UVSSA: variants seen among roughly 807,000 people sequenced by gnomAD.
UVSSA encodes UV-stimulated scaffold protein A.
In UVSSA, 72 loss-of-function variants were observed where a neutral mutation model predicts 73.9. That is an observed-to-expected ratio of 0.97 (90% CI 0.81 to 1.19). UVSSA has a LOEUF of 1.19. Among genes scored for constraint, UVSSA ranks in the 50% most tolerant of loss-of-function variants. The pLI is 0.00. For synonymous variants in UVSSA, 454 were observed against 391.3 expected, an observed-to-expected ratio of 1.16 and a Z score of -1.89; for missense variants, 1,150 against 965.0, an observed-to-expected ratio of 1.19 and a Z score of -2.54.
At chr4:1,375,231 C>G in intron 8 of UVSSA, 133 bp from the exon 9 acceptor site, 1 of 1,430,078 alleles carries the variant, frequency 7.0e-7, no homozygotes, top group Non-Finnish European at 9.5e-7. Context: ...GAGCAGATAG[C>G]AGGCACCCAC....
chr4:1,371,943 C>G (rs1197509598), intron 8 of UVSSA, among the ~76,000 whole-genome samples: 2 of 152,212 alleles, frequency 1.3e-5, no homozygotes, highest in Admixed American at 1.3e-4. Flanking sequence ...AGAGGGTTCG[C>G]CGAAGTCCCC....
intron 9 of UVSSA, 123 bp from the exon 10 acceptor site, chr4:1,375,911 G>A (rs139626301): frequency 0.037 from 53,020 of 1,431,200 alleles, 1,139 homozygotes; most frequent in Non-Finnish European, 0.042. Flanking sequence ...TCGTGTGGCA[G>A]AAGCCATTGC....
chr4:1,379,118 A>G (rs1577370192), intron 10 of UVSSA, among the ~76,000 whole-genome samples: 1 of 152,114 alleles, frequency 6.6e-6, no homozygotes, highest in Non-Finnish European at 1.5e-5. Flanking sequence ...CCTCAGGCAC[A>G]GGGTGTGGGA....
Position 1,349,608 on chromosome 4 carries a change from C to G in UVSSA, c.183C>G (p.Ala61=). ...TQEHAEIRLS[A]FQIVEELFVR... is the part of the protein sequence containing the mutation. ...AGCACGCCGAGATCCGTCTCTCAGC[C>G]TTCCAGATTGTGGAGGAACTCTTCG... Residue 61 remains alanine, a synonymous_variant, in exon 3 of 14, where the codon GCC becomes GCG. Coordinates refer to ENST00000389851, the MANE Select transcript of UVSSA (RefSeq NM_020894.4). The G allele has an allele frequency of 6.2e-7, 1 of 1,614,154 alleles. No homozygotes were observed. The highest frequency in any genetic ancestry group is 8.5e-7 in the Non-Finnish European group (1 of 1,180,034).
intron 11 of UVSSA, 111 bp from the exon 12 acceptor site, chr4:1,380,769 T>A (rs2109300142): frequency 6.3e-7 from 1 of 1,579,372 alleles, no homozygotes; most frequent in South Asian, 1.1e-5. Context: ...TTTGGCTCTG[T>A]GATACCACCC....
At chr4:1,352,531 C>T (rs889590413) in intron 4 of UVSSA, among the ~76,000 whole-genome samples, 2 of 152,242 alleles carry the variant, frequency 1.3e-5, no homozygotes, top group African/African-American at 2.4e-5. Flanking sequence ...GGAAGAGGTG[C>T]AGCCGTGTCC....
intron 5 of UVSSA, among the ~76,000 whole-genome samples, 189 bp downstream of exon 5, chr4:1,353,602 G>T (rs1715157584): frequency 6.6e-6 from 1 of 152,186 alleles, no homozygotes; most frequent in African/African-American, 2.4e-5. Context: ...CCCATGCCAG[G>T]CCTCTGTGGC....
chr4:1,377,733 G>A (rs964335723), intron 10 of UVSSA, among the ~76,000 whole-genome samples: 3 of 152,126 alleles, frequency 2.0e-5, no homozygotes, highest in South Asian at 2.1e-4. Flanking sequence ...GGATGGCACC[G>A]GGGCCCTGCT....
At chr4:1,379,338 G>A (rs540829501) in intron 10 of UVSSA, among the ~76,000 whole-genome samples, 3 of 152,348 alleles carry the variant, frequency 2.0e-5, no homozygotes, top group East Asian at 1.9e-4. Context: ...CCCTGCCTGG[G>A]CATCCAGGTG....
chr4:1,353,328 G>T lies in UVSSA; in HGVS notation c.849G>T (p.Glu283Asp). The T allele has an allele frequency of 6.2e-7, 1 of 1,611,784 alleles. No homozygotes were observed. Among genetic ancestry groups the T allele is most frequent in the East Asian group, 2.2e-5 (1 of 44,860 alleles). The change falls in exon 5 of 14, where the codon GAG (glutamate) becomes GAT (aspartate). Residue 283 changes from glutamate to aspartate, a missense_variant. Transcript: ENST00000389851. The part of the protein sequence containing the change: ...SQTATGDPSD[E>D]DEDSDLEEFV... ...CAGCCACAGGTGACCCCTCAGATGA[G>T]GACGAGGACAGCGACCTCGAGGAGT...
At chr4:1,361,379 T>C (rs1385764400) in intron 7 of UVSSA, among the ~76,000 whole-genome samples, 2 of 152,244 alleles carry the variant, frequency 1.3e-5, no homozygotes, top group East Asian at 3.8e-4. Flanking sequence ...TGTTTTGTGA[T>C]ATTCTTGTAA....
intron 7 of UVSSA, among the ~76,000 whole-genome samples, chr4:1,355,576 C>G (rs938524846): frequency 6.6e-6 from 1 of 152,182 alleles, no homozygotes; most frequent in African/African-American, 2.4e-5. Context: ...ATCAGCAGTG[C>G]GGCACCTGTC....
At chr4:1,391,578 C>T (rs1720415745), downstream of UVSSA, 1 of 152,018 alleles carries the variant, frequency 6.6e-6, no homozygotes, top group South Asian at 2.1e-4. Flanking sequence ...TCTTTAAGTC[C>T]CTTTTGTATG....
At position 1,364,409 on chromosome 4, in the gene UVSSA, G is replaced by T. The variant is rs528377225; in HGVS notation, c.1177-1911G>T. On this transcript the variant is annotated intron_variant, in intron 7 of 13. Coordinates refer to ENST00000389851, the MANE Select transcript of UVSSA (RefSeq NM_020894.4). ...CGTGGGGGCTGGGCTTGGAGCCGCAGTCCCCTGCACACCTGGGCTTTGTCT... is the reference window on the plus strand; with the variant it reads ...CGTGGGGGCTGGGCTTGGAGCCGCATTCCCCTGCACACCTGGGCTTTGTCT... Among the ~76,000 whole-genome samples the T allele has an allele frequency of 1.8e-3, 281 of 152,330 alleles. 1 individual carries two copies. The highest frequency in any genetic ancestry group is 6.1e-3 in the African/African-American group (254 of 41,566).
At chr4:1,352,884 GGGGT>G in intron 4 of UVSSA, 142 bp from the exon 5 acceptor site, 2 of 1,133,316 alleles carry the variant, frequency 1.8e-6, no homozygotes, top group Non-Finnish European at 2.4e-6. Context: ...GGTCGAGGCT[GGGGT>G]GAGCTGTGAT....
chr4:1,381,271 G>A (rs192246778), intron 12 of UVSSA, among the ~76,000 whole-genome samples: 1 of 152,374 alleles, frequency 6.6e-6, no homozygotes, highest in Admixed American at 6.5e-5. Flanking sequence ...GGTGCCATCT[G>A]TGTGGCTGGG....
At position 1,387,840 on chromosome 4, in the gene UVSSA, C is replaced by T. The variant is rs1720256695; in HGVS notation, c.*1879C>T. 1 of 151,646 alleles carries T rather than the reference C, an allele frequency of 6.6e-6. No individual in the cohort carries two copies. The highest frequency in any genetic ancestry group is 6.6e-5 in the Admixed American group (1 of 15,210). The allele number at this position is 151,646 out of a possible 1,614,324, so 9.4% of individuals were successfully genotyped here. ...TGCCACAGTGCCTTGATCAGTGCTG[C>T]TTTGTTGTGAGAAGTTTTACTTTGT... On this transcript the variant is annotated 3_prime_UTR_variant, in exon 14 of 14. Coordinates refer to ENST00000389851, the MANE Select transcript of UVSSA (RefSeq NM_020894.4).
intron 11 of UVSSA, 23 bp from the exon 12 acceptor site, chr4:1,380,857 G>A (rs774537919): frequency 5.6e-6 from 9 of 1,605,904 alleles, no homozygotes. Flanking sequence ...CCCGCCATCA[G>A]CCACCGTGTC....
chr4:1,349,458 GGA>G lies in UVSSA; in HGVS notation c.99-62_99-61del, dbSNP rs966599486. On this transcript the variant is annotated intron_variant, in intron 2 of 13. Coordinates refer to ENST00000389851, the MANE Select transcript of UVSSA (RefSeq NM_020894.4). Reference sequence around the variant, plus strand: ...ACACGTGCGTGCGGCATCCATGCACGGAGAGTCTCCCCCCGCCCATCCTCTGC... The same window carrying G: ...ACACGTGCGTGCGGCATCCATGCACGGAGTCTCCCCCCGCCCATCCTCTGC... 3 of 1,512,724 alleles carry G rather than the reference GGA, an allele frequency of 2.0e-6. No homozygotes were observed. The African/African-American group carries it at 4.1e-5, about 21-fold the overall frequency. 93.7% of individuals were successfully genotyped at this position (1,512,724 alleles called of 1,614,324 possible).
Sources: gnomAD v4.1 joint callset for allele counts (sites outside exome capture counted in the v4.1 genomes callset) on GRCh38, gnomAD v4.1.1 for gene constraint, MANE v1.5 for transcripts, NCBI Gene and HGNC (gene_info 2026-07-23, HGNC 2026-07-21) for gene names.